Variants in PRDM5 observed in about 807,000 individuals in gnomAD.
PRDM5 encodes the protein PR domain zinc finger protein 5.
PRDM5 carries 56 observed loss-of-function variants against 81.2 expected under a neutral mutation model. The ratio of observed to expected loss-of-function variants is 0.69; its 90% CI spans 0.56 to 0.86. The LOEUF is 0.86. PRDM5 is among the 40% of genes least tolerant of loss of function. The probability of loss-of-function intolerance (pLI) is 0.00; values close to 1 mark genes in which losing one functional copy is unlikely to be tolerated. For synonymous variants in PRDM5, 267 were observed against 256.4 expected (o/e 1.04, Z -0.39); for missense variants, 697 against 770.1 (o/e 0.91, Z 1.12).
At chr4:120,696,082 T>C (rs940365679) in intron 15 of PRDM5, among the ~76,000 whole-genome samples, 4 of 151,956 alleles carry the variant, frequency 2.6e-5, no homozygotes, top group Admixed American at 1.3e-4. Flanking sequence ...CCTTGCCCTC[T>C]TTCTTTACGG....
chr4:120,753,786 A>G (rs1004963624), intron 14 of PRDM5, among the ~76,000 whole-genome samples: 2 of 152,234 alleles, frequency 1.3e-5, no homozygotes, highest in African/African-American at 4.8e-5. Flanking sequence ...AAGATAATGC[A>G]GTGAAAAGTT....
chr4:120,695,180 A>C lies in PRDM5; in HGVS notation c.1824T>G (p.His608Gln). The C allele has an allele frequency of 6.2e-7, 1 of 1,613,620 alleles. No homozygotes were observed. Among genetic ancestry groups the C allele is most frequent in the Non-Finnish European group, 8.5e-7 (1 of 1,179,620 alleles). ...NRPLAECQFC[H>Q]KKFTRNDYLK... The stretch of plus-strand genomic sequence containing the variant: ...GGTAGTCATTCCTTGTAAACTTCTT[A>C]TGGCAAAACTGGCATTCTGCCAGGG... The change falls in exon 16 of 16, where the codon CAT becomes CAG. Residue 608 changes from histidine to glutamine, a missense_variant. By Grantham distance (24) the His-to-Gln change is conservative. This residue lies in a region of PRDM5 where 34 missense variants were observed against 28.1 expected (regional missense o/e 1.21). Coordinates refer to ENST00000264808, the MANE Select transcript of PRDM5 (RefSeq NM_018699.4).
intron 1 of PRDM5, among the ~76,000 whole-genome samples, chr4:120,922,143 C>A (rs1463030399): frequency 6.6e-6 from 1 of 152,216 alleles, no homozygotes; most frequent in Non-Finnish European, 1.5e-5. Context: ...CGCGTGCCTT[C>A]GCCAACGCAA....
chr4:120,854,707 C>T (rs1319082099), intron 2 of PRDM5, among the ~76,000 whole-genome samples: 1 of 151,888 alleles, frequency 6.6e-6, no homozygotes, highest in Non-Finnish European at 1.5e-5. Context: ...AAGATGAGTA[C>T]TATGATGACA....
At position 120,816,543 on chromosome 4, in the gene PRDM5, C is replaced by G. The variant is rs781598677; in HGVS notation, c.775G>C (p.Asp259His). 2.5e-6 allele frequency: 4 copies of G among 1,613,952 alleles called. No homozygotes were observed. In the African/African-American group the frequency reaches 4.0e-5, roughly 16 times the overall value. Residue 259 changes from aspartate (D) to histidine (H), a missense_variant, in exon 7 of 16, where the codon GAT becomes CAT. This residue lies in a region of PRDM5 where 577 missense variants were observed against 606.7 expected (regional missense o/e 0.95). Transcript: ENST00000264808. ...TCAGCCTTGCACACAAACCTGGCATCCCCCCGGCAAGTCTCCTGGTGCTGC... is the reference window on the plus strand; with the variant it reads ...TCAGCCTTGCACACAAACCTGGCATGCCCCCGGCAAGTCTCCTGGTGCTGC... Reference protein sequence around the residue: ...FEQHQETCRGDARFVCKADSC... With the variant: ...FEQHQETCRGHARFVCKADSC...
chr4:120,747,223 G>A (rs1743240896), intron 14 of PRDM5, among the ~76,000 whole-genome samples: 1 of 146,186 alleles, frequency 6.8e-6, no homozygotes, highest in Admixed American at 7.0e-5. Flanking sequence ...TGATAGGTGG[G>A]AATTGAACAA....
chr4:120,702,878 C>T (rs559295019), intron 15 of PRDM5, among the ~76,000 whole-genome samples: 2 of 152,206 alleles, frequency 1.3e-5, no homozygotes, highest in African/African-American at 4.8e-5. Flanking sequence ...TCAATGGCTT[C>T]TTATTAAAAT....
At chr4:120,796,548 G>C (rs1751377511) in intron 10 of PRDM5, among the ~76,000 whole-genome samples, 1 of 152,144 alleles carries the variant, frequency 6.6e-6, no homozygotes, top group Admixed American at 6.6e-5. Flanking sequence ...GGGTTCCAGA[G>C]ACTAAACAGG....
intron 3 of PRDM5, chr4:120,838,912 G>A (rs1757673661): frequency 7.7e-6 from 3 of 391,094 alleles, no homozygotes; most frequent in Non-Finnish European, 1.4e-5. Context: ...GTGAGTGTGG[G>A]GTCTGGCCAA....
rs373122140 is a variant in PRDM5, at chr4:120,761,849, CTAAA to C, written c.1538-7215_1538-7212del. On this transcript the variant is annotated intron_variant, in intron 13 of 15. Coordinates refer to ENST00000264808, the MANE Select transcript of PRDM5 (RefSeq NM_018699.4). ...AGAAATCAAATTTTTGTTCATGCTACTAAATACACTGAATTAATATGTTAATAAT... is the reference window on the plus strand; with the variant it reads ...AGAAATCAAATTTTTGTTCATGCTACTACACTGAATTAATATGTTAATAAT... Among the ~76,000 whole-genome samples the C allele has an allele frequency of 1.6e-4, 24 of 152,166 alleles. 1 individual carries two copies. In the East Asian group the frequency reaches 3.7e-3, roughly 23 times the overall value.
chr4:120,884,062 A>G (rs1202464191), intron 2 of PRDM5, among the ~76,000 whole-genome samples: 4 of 152,226 alleles, frequency 2.6e-5, no homozygotes, highest in African/African-American at 9.6e-5. Context: ...CCAATCTATT[A>G]GTGAAAAAAC....
intron 15 of PRDM5, among the ~76,000 whole-genome samples, chr4:120,698,770 T>C (rs1414811693): frequency 5.9e-5 from 9 of 152,146 alleles, no homozygotes. Flanking sequence ...TCACTCTTCC[T>C]CATCTGATCT....
intron 14 of PRDM5, among the ~76,000 whole-genome samples, chr4:120,741,121 G>A (rs1292074326): frequency 1.3e-5 from 2 of 152,154 alleles, no homozygotes; most frequent in East Asian, 3.9e-4. Flanking sequence ...TGTTTCCTAA[G>A]CTTTTTATGC....
chr4:120,783,549 T>C (rs1749340968), intron 11 of PRDM5, among the ~76,000 whole-genome samples: 2 of 152,268 alleles, frequency 1.3e-5, no homozygotes, highest in South Asian at 4.1e-4. Flanking sequence ...AAGTCAAATT[T>C]AGCCATATTT....
chr4:120,775,167 T>C (rs10857073), intron 13 of PRDM5, among the ~76,000 whole-genome samples: 117,110 of 151,272 alleles, frequency 0.77, 45,547 homozygotes, highest in East Asian at 0.87. Context: ...GACTCGTGTA[T>C]ACAATAAATA....
intron 2 of PRDM5, among the ~76,000 whole-genome samples, chr4:120,863,225 C>CACACACACAT (rs1553997195): frequency 7.2e-6 from 1 of 138,658 alleles, no homozygotes; most frequent in African/African-American, 2.7e-5. Context: ...CACACACACA[C>CACACACACAT]ATATATATGT....
intron 2 of PRDM5, among the ~76,000 whole-genome samples, chr4:120,855,484 G>A (rs977498629): frequency 6.6e-6 from 1 of 152,032 alleles, no homozygotes; most frequent in Non-Finnish European, 1.5e-5. Context: ...CTTACACTTC[G>A]ACTCAGAACA....
At chr4:120,806,043 A>G (rs28765516) in intron 8 of PRDM5, among the ~76,000 whole-genome samples, 9,683 of 152,226 alleles carry the variant, frequency 0.064, 531 homozygotes, top group African/African-American at 0.15. Flanking sequence ...AAGCATTCTT[A>G]TACACCAATA....
At chr4:120,779,361 T>C (rs574020038) in intron 12 of PRDM5, among the ~76,000 whole-genome samples, 198 of 152,298 alleles carry the variant, frequency 1.3e-3, no homozygotes, top group Non-Finnish European at 1.9e-3. Context: ...ATGAATATAC[T>C]GTGTGACTAT....
Sources: allele counts gnomAD v4.1 joint callset (sites outside exome capture counted in the v4.1 genomes callset), GRCh38; gene constraint gnomAD v4.1.1; regional missense constraint gnomAD v4.1.1; transcripts MANE v1.5; gene names NCBI Gene and HGNC (gene_info 2026-07-23, HGNC 2026-07-21).